DSCAML1: variants seen among roughly 807,000 people sequenced by gnomAD.
The protein encoded by DSCAML1 is DS cell adhesion molecule like 1.
DSCAML1 carries 38 observed loss-of-function variants against 200.5 expected under a neutral mutation model. The ratio of observed to expected loss-of-function variants is 0.19; its 90% confidence interval spans 0.15 to 0.25. The LOEUF (loss-of-function observed/expected upper bound fraction) is 0.25. DSCAML1 is among the 10% of genes least tolerant of loss of function. The pLI is 1.00. For missense variants in DSCAML1, 2,223 were observed against 2,858.8 expected (o/e 0.78, Z 5.07); for synonymous variants, 1,215 against 1,165.0 (o/e 1.04, Z -0.87).
intron 3 of DSCAML1, among the ~76,000 whole-genome samples, chr11:117,608,891 G>A (rs2051628156): frequency 1.1e-5 from 1 of 93,560 alleles, no homozygotes; most frequent in Non-Finnish European, 2.3e-5. Context: ...AAATTGGCCG[G>A]GCATGGTGGC....
At chr11:117,499,906 T>TG (rs1462325251) in intron 11 of DSCAML1, among the ~76,000 whole-genome samples, 4 of 152,226 alleles carry the variant, frequency 2.6e-5, no homozygotes, top group Non-Finnish European at 5.9e-5. Context: ...GAATTCCGAC[T>TG]CCCATCCAGA....
intron 3 of DSCAML1, among the ~76,000 whole-genome samples, chr11:117,713,265 G>T (rs763489085): frequency 6.6e-6 from 1 of 152,116 alleles, no homozygotes; most frequent in African/African-American, 2.4e-5. Flanking sequence ...ACAGGCGCAC[G>T]CCACCACACC....
rs926078592 is a variant in DSCAML1, at chr11:117,503,554, A to G, written c.2359+291T>C. On this transcript the variant is annotated intron_variant, in intron 11 of 32. Transcript: ENST00000651296. The surrounding 1 kb of genome is among the most constrained non-coding windows in gnomAD (Gnocchi z 5.2). The stretch of plus-strand genomic sequence containing the variant: ...ATTATTCAGATCGAATCGCCAATCT[A>G]CAGACCAAAGTAAACAGGATGCTAC... Among the ~76,000 whole-genome samples the G allele has an allele frequency of 1.3e-5, 2 of 152,256 alleles. No individual in the cohort carries two copies. The highest frequency in any genetic ancestry group is 1.3e-4 in the Admixed American group (2 of 15,290).
At chr11:117,618,478 C>T (rs1053430294) in intron 3 of DSCAML1, among the ~76,000 whole-genome samples, 2 of 152,154 alleles carry the variant, frequency 1.3e-5, no homozygotes, top group African/African-American at 2.4e-5. Flanking sequence ...CACACTCTCC[C>T]CAGCCACCCT....
At position 117,743,078 on chromosome 11, in the gene DSCAML1, T is replaced by C. The variant is rs75660460; in HGVS notation, c.511+33713A>G. 1.1e-3 allele frequency among the ~76,000 whole-genome samples: 170 copies of C among 152,240 alleles called. 1 individual carries two copies. Among genetic ancestry groups the C allele is most frequent in the Non-Finnish European group, 1.7e-3 (117 of 68,012 alleles). On this transcript the variant is annotated intron_variant, in intron 3 of 32. Transcript: ENST00000651296. ...ATTCAGCAGGTACAGAGAATCTGCT[T>C]TGAGCCAACCTCTGTGCTAGGAGAG...
chr11:117,438,533 ATTG>A (rs2047971320), intron 24 of DSCAML1, among the ~76,000 whole-genome samples: 1 of 152,038 alleles, frequency 6.6e-6, no homozygotes, highest in Admixed American at 6.5e-5. Context: ...TCAGAACTGC[ATTG>A]TTACAAGGCC....
In DSCAML1 at chr11:117,609,031, C is replaced by CAA. The variant is rs550754227; in HGVS notation, c.512-76511_512-76510dup. Among the ~76,000 whole-genome samples the CAA allele has an allele frequency of 3.5e-3, 437 of 124,442 alleles. 1 individual carries two copies. Among genetic ancestry groups the CAA allele is most frequent in the African/African-American group, 8.4e-3 (239 of 28,314 alleles). 81.6% of individuals were successfully genotyped at this position (124,442 alleles called of 152,430 possible). On this transcript the variant is annotated intron_variant, in intron 3 of 32. Transcript: ENST00000651296. ...ACAAACAAACAAACAAACAAACAAA[C>CAA]AAACAAAAAAAACAAAAATTGTCTG...
chr11:117,613,651 C>T (rs2137535835), intron 3 of DSCAML1, among the ~76,000 whole-genome samples: 1 of 152,292 alleles, frequency 6.6e-6, no homozygotes, highest in South Asian at 2.1e-4. Flanking sequence ...TAAGCCAGCC[C>T]CCTCCCTGCC....
chr11:117,641,775 G>C (rs2052413168), intron 3 of DSCAML1, among the ~76,000 whole-genome samples: 1 of 152,106 alleles, frequency 6.6e-6, no homozygotes, highest in African/African-American at 2.4e-5. Flanking sequence ...CCCCATTCTA[G>C]GTCCCATCTC....
intron 3 of DSCAML1, among the ~76,000 whole-genome samples, chr11:117,640,523 A>G (rs2052386334): frequency 6.6e-6 from 1 of 152,184 alleles, no homozygotes; most frequent in African/African-American, 2.4e-5. Flanking sequence ...GTCATCCACT[A>G]TCCAGGTGCT....
At chr11:117,704,992 C>A (rs112953358) in intron 3 of DSCAML1, among the ~76,000 whole-genome samples, 1 of 152,068 alleles carries the variant, frequency 6.6e-6, no homozygotes. Context: ...TACGAGTGTG[C>A]GCCCCGGATG....
intron 3 of DSCAML1, among the ~76,000 whole-genome samples, chr11:117,558,304 G>A (rs969381726): frequency 3.3e-5 from 5 of 152,128 alleles, no homozygotes; most frequent in African/African-American, 1.2e-4. Context: ...GGCCTGCCAG[G>A]GTCCCCCAAA....
intron 3 of DSCAML1, among the ~76,000 whole-genome samples, chr11:117,575,432 G>A (rs1165962308): frequency 6.6e-6 from 1 of 152,202 alleles, no homozygotes; most frequent in South Asian, 2.1e-4. Flanking sequence ...ATGCATATTA[G>A]GATCACTTTT....
chr11:117,796,394 C>A (rs998573076), intron 1 of DSCAML1, among the ~76,000 whole-genome samples: 5 of 152,290 alleles, frequency 3.3e-5, no homozygotes, highest in African/African-American at 1.2e-4. Context: ...AAAGCCGGGG[C>A]AGAGGGGTGG....
chr11:117,640,961 A>G (rs1404941560), intron 3 of DSCAML1, among the ~76,000 whole-genome samples: 2 of 152,194 alleles, frequency 1.3e-5, no homozygotes, highest in African/African-American at 2.4e-5. Context: ...AACCAAAATA[A>G]TACAAAGGCC....
intron 1 of DSCAML1, among the ~76,000 whole-genome samples, chr11:117,796,601 A>T (rs1479439737): frequency 6.6e-6 from 1 of 152,202 alleles, no homozygotes; most frequent in Non-Finnish European, 1.5e-5. Context: ...CGGAGGAATC[A>T]GCCGCCGAGT....
chr11:117,430,671 TGGGGCCAG>T (rs1448527481), intron 32 of DSCAML1, 43 bp downstream of exon 32: 3 of 1,511,720 alleles, frequency 2.0e-6, no homozygotes, highest in Admixed American at 3.7e-5. Flanking sequence ...CTCATGGGGC[TGGGGCCAG>T]GGGGCGGGGG....
At chr11:117,682,450 T>C (rs557145696) in intron 3 of DSCAML1, among the ~76,000 whole-genome samples, 1 of 152,278 alleles carries the variant, frequency 6.6e-6, no homozygotes, top group South Asian at 2.1e-4. Flanking sequence ...CCATCCTTCT[T>C]CCAGATGCCA....
chr11:117,629,829 G>A (rs1316700901), intron 3 of DSCAML1, among the ~76,000 whole-genome samples: 4 of 152,096 alleles, frequency 2.6e-5, no homozygotes. Flanking sequence ...AGACCCCATC[G>A]CTACAAAAAA....
Sources: allele counts gnomAD v4.1 joint callset (sites outside exome capture counted in the v4.1 genomes callset), GRCh38; gene constraint gnomAD v4.1.1; non-coding constraint Gnocchi (gnomAD v3.1); transcripts MANE v1.5; gene names NCBI Gene and HGNC (gene_info 2026-07-23, HGNC 2026-07-21).